Variants in CLMN observed in about 807,000 individuals in gnomAD.
The protein encoded by CLMN is calmin.
CLMN carries 57 observed loss-of-function variants against 92.7 expected under a neutral mutation model. The observed-to-expected ratio is 0.61, with a 90% CI of 0.50 to 0.77. The LOEUF is 0.77. Ranked by LOEUF, CLMN falls within the 30% of genes least tolerant of loss-of-function variation. The pLI is 0.00. For synonymous variants in CLMN, 466 were observed against 470.6 expected, an observed-to-expected ratio of 0.99 and a Z score of 0.13; for missense variants, 1,158 against 1,237.5, an observed-to-expected ratio of 0.94 and a Z score of 0.96.
chr14:95,240,533 A>G (rs1270249912), intron 1 of CLMN, among the ~76,000 whole-genome samples: 1 of 152,108 alleles, frequency 6.6e-6, no homozygotes, highest in Non-Finnish European at 1.5e-5. Flanking sequence ...CTCCCCATGG[A>G]CAAGGATCAC....
At chr14:95,310,313 T>A (rs941570) in intron 1 of CLMN, among the ~76,000 whole-genome samples, 2 of 152,020 alleles carry the variant, frequency 1.3e-5, no homozygotes, top group African/African-American at 2.4e-5. Flanking sequence ...CGGCTCCTGG[T>A]CCCATCCTGC....
At chr14:95,301,074 T>C (rs1901032495) in intron 1 of CLMN, among the ~76,000 whole-genome samples, 1 of 152,262 alleles carries the variant, frequency 6.6e-6, no homozygotes, top group Non-Finnish European at 1.5e-5. Context: ...TCATGCACTA[T>C]TGTGTCACTT....
rs1896490954 is a variant in CLMN at position 95,188,555 on chromosome 14, T to C, written c.*3009A>G. On this transcript the variant is annotated 3_prime_UTR_variant, in exon 13 of 13. Transcript: ENST00000298912. ...AAATATTAGAGCATCAGCCTGGGTG[T>C]AGGGGAGGGTCCAACATTGAAATAA... The C allele has an allele frequency of 6.6e-6, 1 of 152,046 alleles. No homozygotes were observed. The highest frequency in any genetic ancestry group is 2.1e-4 in the South Asian group (1 of 4,822). The allele number at this position is 152,046 out of a possible 1,614,324, so 9.4% of individuals were successfully genotyped here. A position where few individuals can be genotyped will look rare whatever the true frequency, so the allele number is the denominator to read the frequency against.
chr14:95,242,698 G>C (rs971376768), intron 1 of CLMN, among the ~76,000 whole-genome samples: 39 of 152,090 alleles, frequency 2.6e-4, no homozygotes, highest in Admixed American at 2.4e-3. Context: ...CTCCCAAGTA[G>C]CTGGGACTAC....
intron 1 of CLMN, among the ~76,000 whole-genome samples, chr14:95,236,698 A>G (rs985255795): frequency 6.6e-6 from 1 of 152,222 alleles, no homozygotes; most frequent in Non-Finnish European, 1.5e-5. Context: ...GAAGACAGAG[A>G]AGAGTTTCAG....
intron 1 of CLMN, among the ~76,000 whole-genome samples, chr14:95,310,232 T>C (rs188780494): frequency 6.6e-6 from 1 of 152,324 alleles, no homozygotes; most frequent in Admixed American, 6.5e-5. Context: ...CTTTTCTTTA[T>C]AAATTACCCA....
chr14:95,236,053 G>T (rs546900603), intron 1 of CLMN, among the ~76,000 whole-genome samples: 1 of 152,336 alleles, frequency 6.6e-6, no homozygotes, highest in East Asian at 1.9e-4. Flanking sequence ...AGGTCCTCAA[G>T]GGAGCTGCTT....
At chr14:95,239,049 C>T (rs1898156268) in intron 1 of CLMN, among the ~76,000 whole-genome samples, 1 of 152,028 alleles carries the variant, frequency 6.6e-6, no homozygotes, top group Non-Finnish European at 1.5e-5. Context: ...CTCAGCCCAC[C>T]TTGATTTATG....
rs1896945436 is a variant in CLMN at position 95,203,392 on chromosome 14, T to C, written c.1957A>G (p.Lys653Glu). Residue 653 changes from lysine (K) to glutamate (E), a missense_variant, in exon 9 of 13, where the codon AAA becomes GAA. By Grantham distance (56) the Lys-to-Glu change is moderately conservative. Transcript: ENST00000298912. Reference sequence around the variant, plus strand: ...GCCTTTTCATGCACCTCTGGCTTTTTATCCACTGGTGTCTCTTCTGGGGCT... The same window carrying C: ...GCCTTTTCATGCACCTCTGGCTTTTCATCCACTGGTGTCTCTTCTGGGGCT... ...PSAPEETPVDKKPEVHEKAKR... is the reference protein window; with the variant it reads ...PSAPEETPVDEKPEVHEKAKR... The C allele has an allele frequency of 1.2e-6, 2 of 1,614,052 alleles. No individual in the cohort carries two copies. The highest frequency in any genetic ancestry group is 1.3e-5 in the African/African-American group (1 of 74,912).
At chr14:95,207,395 T>C (rs1897075786) in intron 8 of CLMN, among the ~76,000 whole-genome samples, 1 of 152,218 alleles carries the variant, frequency 6.6e-6, no homozygotes, top group African/African-American at 2.4e-5. Context: ...GTTGGGATTA[T>C]AAATGTGAGC....
intron 12 of CLMN, chr14:95,193,425 C>T (rs955613147): frequency 7.3e-6 from 11 of 1,515,442 alleles, no homozygotes; most frequent in Middle Eastern, 1.7e-4. Context: ...CCTGCAGTGG[C>T]AACAGAGAAT....
chr14:95,289,605 A>G (rs540618590), intron 1 of CLMN, among the ~76,000 whole-genome samples: 25 of 152,324 alleles, frequency 1.6e-4, no homozygotes, highest in Admixed American at 1.4e-3. Context: ...AAGGGTTGAT[A>G]ACAAAGACCT....
chr14:95,208,953 C>T (rs996119368), intron 8 of CLMN, among the ~76,000 whole-genome samples: 2 of 152,144 alleles, frequency 1.3e-5, no homozygotes, highest in African/African-American at 4.8e-5. Context: ...TCAGCCACCA[C>T]GATATCAAAG....
At chr14:95,233,280 T>C (rs2140639834) in intron 1 of CLMN, among the ~76,000 whole-genome samples, 1 of 152,218 alleles carries the variant, frequency 6.6e-6, no homozygotes, top group Admixed American at 6.5e-5. Context: ...GAGGTGGGTA[T>C]CTGACAGTCT....
intron 1 of CLMN, among the ~76,000 whole-genome samples, chr14:95,244,004 A>T (rs1382365842): frequency 6.6e-6 from 1 of 152,098 alleles, no homozygotes; most frequent in Non-Finnish European, 1.5e-5. Flanking sequence ...CTGGTTGTTT[A>T]AAGGCGTGTA....
intron 8 of CLMN, among the ~76,000 whole-genome samples, chr14:95,204,742 A>C (rs138252088): frequency 1.9e-3 from 294 of 152,356 alleles, no homozygotes; most frequent in African/African-American, 6.7e-3. Context: ...TGGATTAACG[A>C]ATCTCAATGA....
rs762916614 is a variant in CLMN at position 95,213,420 on chromosome 14, A to T, written c.418-11T>A. On this transcript the variant is annotated splice_polypyrimidine_tract_variant and intron_variant, in intron 5 of 12. Coordinates refer to ENST00000298912, the MANE Select transcript of CLMN (RefSeq NM_024734.4). The stretch of plus-strand genomic sequence containing the variant: ...TGTGAGCTCCTTAATCTGGAAGGAA[A>T]ATGGCATTTCAGACCCCAGCAACAG... 1.1e-5 allele frequency: 18 copies of T among 1,593,806 alleles called. No homozygotes were observed. Among genetic ancestry groups the T allele is most frequent in the Non-Finnish European group, 1.5e-5 (18 of 1,171,680 alleles).
At chr14:95,255,486 ATATG>A (rs1898960744) in intron 1 of CLMN, among the ~76,000 whole-genome samples, 1 of 152,162 alleles carries the variant, frequency 6.6e-6, no homozygotes, top group African/African-American at 2.4e-5. Flanking sequence ...TTTATCATAC[ATATG>A]TATGTGCAGG....
chr14:95,228,170 A>T (rs1011795077), intron 2 of CLMN, among the ~76,000 whole-genome samples: 1 of 152,148 alleles, frequency 6.6e-6, no homozygotes. Flanking sequence ...TTAATTTTTT[A>T]AAAAAGAAAG....
Sources: allele counts gnomAD v4.1 joint callset (sites outside exome capture counted in the v4.1 genomes callset), GRCh38; gene constraint gnomAD v4.1.1; transcripts MANE v1.5; gene names NCBI Gene and HGNC (gene_info 2026-07-23, HGNC 2026-07-21).